PLSCR4: variants seen among roughly 807,000 people sequenced by gnomAD.
PLSCR4 encodes phospholipid scramblase 4, also known as Ca(2+)-dependent phospholipid scramblase 4.
PLSCR4 carries 25 observed loss-of-function variants against 36.3 expected under a neutral mutation model. The ratio of observed to expected loss-of-function variants is 0.69; its 90% confidence interval spans 0.50 to 0.96. PLSCR4 has a LOEUF of 0.96. PLSCR4 is among the 40% of genes least tolerant of loss of function. The pLI, the probability that PLSCR4 is intolerant of heterozygous loss-of-function variation, is 0.00. For missense variants in PLSCR4, 408 were observed against 414.7 expected (o/e 0.98, Z 0.14); for synonymous variants, 122 against 132.9 (o/e 0.92, Z 0.56).
intron 1 of PLSCR4, among the ~76,000 whole-genome samples, chr3:146,232,243 G>C (rs910203444): frequency 6.6e-6 from 1 of 152,118 alleles, no homozygotes; most frequent in African/African-American, 2.4e-5. Context: ...AGTTACTGTG[G>C]CTTTATAATA....
chr3:146,192,517 T>C lies in PLSCR4; in HGVS notation c.*1894A>G, dbSNP rs2033444665. The C allele has an allele frequency of 6.6e-6, 1 of 151,300 alleles. No individual in the cohort carries two copies. The highest frequency in any genetic ancestry group is 1.5e-5 in the Non-Finnish European group (1 of 67,800). The allele number at this position is 151,300 out of a possible 1,614,324, so 9.4% of individuals were successfully genotyped here. A position where few individuals can be genotyped will look rare whatever the true frequency, so the allele number is the denominator to read the frequency against. On this transcript the variant is annotated 3_prime_UTR_variant, in exon 9 of 9. Transcript: ENST00000354952. ...AACTATGACATATGACAATATTATA[T>C]AAAGAAAATTTTAACTCTAAGAGAC...
intron 3 of PLSCR4, among the ~76,000 whole-genome samples, chr3:146,211,305 G>A (rs558778204): frequency 6.6e-6 from 1 of 152,090 alleles, no homozygotes; most frequent in Admixed American, 6.6e-5. Context: ...GATTACTAAT[G>A]ATGTTCAGCA....
At chr3:146,196,317 A>T (rs1418405050) in intron 7 of PLSCR4, 1 of 244,872 alleles carries the variant, frequency 4.1e-6, no homozygotes, top group African/African-American at 2.2e-5. Flanking sequence ...AGGGAAAAAA[A>T]TGGTTAATTA....
At chr3:146,246,809 T>A (rs755089409) in intron 1 of PLSCR4, among the ~76,000 whole-genome samples, 10 of 152,158 alleles carry the variant, frequency 6.6e-5, no homozygotes, top group Non-Finnish European at 1.5e-4. Context: ...AACAGACTTT[T>A]AAAAAACAGA....
intron 1 of PLSCR4, among the ~76,000 whole-genome samples, chr3:146,238,396 TCAA>T (rs1345754944): frequency 6.6e-6 from 1 of 151,932 alleles, no homozygotes; most frequent in Non-Finnish European, 1.5e-5. Flanking sequence ...ACAAAAATTC[TCAA>T]CAAAATACTT....
At chr3:146,221,580 C>CA (rs3840205) in intron 2 of PLSCR4, among the ~76,000 whole-genome samples, 56,254 of 151,554 alleles carry the variant, frequency 0.37, 11,121 homozygotes, top group South Asian at 0.52. Flanking sequence ...CTGCTTACTA[C>CA]AAAAAAAAGC....
intron 4 of PLSCR4, among the ~76,000 whole-genome samples, chr3:146,203,382 A>G (rs1353102075): frequency 6.6e-6 from 1 of 151,980 alleles, no homozygotes; most frequent in Non-Finnish European, 1.5e-5. Flanking sequence ...AGACCCTAAC[A>G]GGGAAGTCAG....
intron 1 of PLSCR4, among the ~76,000 whole-genome samples, chr3:146,237,685 A>G (rs2035973327): frequency 6.6e-6 from 1 of 152,074 alleles, no homozygotes; most frequent in Admixed American, 6.5e-5. Context: ...AAGGCCACAA[A>G]CTTATGAAGT....
intron 1 of PLSCR4, among the ~76,000 whole-genome samples, chr3:146,236,468 G>A (rs1283510965): frequency 6.6e-6 from 1 of 152,104 alleles, no homozygotes; most frequent in Admixed American, 6.6e-5. Context: ...ATTTCATATT[G>A]AATTCCCAGG....
intron 1 of PLSCR4, among the ~76,000 whole-genome samples, chr3:146,237,423 A>C (rs2035962050): frequency 6.6e-6 from 1 of 152,152 alleles, no homozygotes; most frequent in Non-Finnish European, 1.5e-5. Context: ...CAATAGCAGA[A>C]TACCTGATTT....
At chr3:146,211,368 T>A (rs1391867545) in intron 3 of PLSCR4, among the ~76,000 whole-genome samples, 1 of 152,134 alleles carries the variant, frequency 6.6e-6, no homozygotes, top group East Asian at 1.9e-4. Flanking sequence ...GAACTATCTA[T>A]TAAATCTTTT....
chr3:146,194,507 G>T, intron 8 of PLSCR4, 52 bp from the exon 9 acceptor site: 2 of 1,077,138 alleles, frequency 1.9e-6, no homozygotes, highest in Non-Finnish European at 2.9e-6. Flanking sequence ...TAGGTATAAT[G>T]CATGCGGTAT....
chr3:146,248,322 A>G (rs747236716), intron 1 of PLSCR4, among the ~76,000 whole-genome samples: 5 of 152,224 alleles, frequency 3.3e-5, no homozygotes, highest in African/African-American at 4.8e-5. Flanking sequence ...TACTATCACT[A>G]TCAATTTTTC....
chr3:146,233,120 G>T (rs76696195), intron 1 of PLSCR4, among the ~76,000 whole-genome samples: 5,505 of 151,938 alleles, frequency 0.036, 151 homozygotes, highest in South Asian at 0.073. Flanking sequence ...ATTTACATGG[G>T]AGATAGTTCC....
intron 1 of PLSCR4, among the ~76,000 whole-genome samples, chr3:146,240,235 G>A (rs1470854161): frequency 6.6e-6 from 1 of 152,110 alleles, no homozygotes; most frequent in African/African-American, 2.4e-5. Context: ...TTTCTCCAAA[G>A]AAGATATATG....
At position 146,201,078 on chromosome 3, in the gene PLSCR4, C is replaced by G; in HGVS notation, c.355-1G>C. 1 of 1,543,900 alleles carries G rather than the reference C, an allele frequency of 6.5e-7. No individual in the cohort carries two copies. Among genetic ancestry groups the G allele is most frequent in the Non-Finnish European group, 8.7e-7 (1 of 1,152,558 alleles). On this transcript the variant is annotated splice_acceptor_variant, in intron 4 of 8. Coordinates refer to ENST00000354952, the MANE Select transcript of PLSCR4 (RefSeq NM_020353.3). LOFTEE classifies it high-confidence loss of function. ...GCTGAAGAACATGTATGTTGTCCAA[C>G]TGTTGGGATAAAACAAAGCAATCAG...
At chr3:146,227,739 G>C (rs1489024646) in intron 1 of PLSCR4, among the ~76,000 whole-genome samples, 4 of 152,192 alleles carry the variant, frequency 2.6e-5, no homozygotes, top group African/African-American at 7.2e-5. Context: ...TCTGGGTCCT[G>C]TCTGTCTCCA....
intron 1 of PLSCR4, among the ~76,000 whole-genome samples, chr3:146,225,949 G>A (rs948006677): frequency 1.3e-5 from 2 of 152,246 alleles, no homozygotes; most frequent in Non-Finnish European, 2.9e-5. Context: ...TGCCGAGAGC[G>A]AGGGCTCTGA....
chr3:146,226,678 C>G (rs1044290205), intron 1 of PLSCR4, among the ~76,000 whole-genome samples: 5 of 152,158 alleles, frequency 3.3e-5, no homozygotes, highest in African/African-American at 1.2e-4. Context: ...TAACACAGTT[C>G]CAGGTGATCC....
Sources: allele counts gnomAD v4.1 joint callset (sites outside exome capture counted in the v4.1 genomes callset), GRCh38; gene constraint gnomAD v4.1.1; transcripts MANE v1.5; gene names NCBI Gene and HGNC (gene_info 2026-07-23, HGNC 2026-07-21).